The following MIA2 variants were observed in gnomAD, a reference collection of about 807,000 sequenced individuals.
The protein encoded by MIA2 is melanoma inhibitory activity protein 2.
MIA2 carries 127 observed loss-of-function variants against 167.8 expected under a neutral mutation model. That is an observed-to-expected ratio of 0.76 (90% CI 0.66 to 0.88). The LOEUF is 0.88. Ranked by LOEUF, MIA2 falls within the 40% of genes least tolerant of loss-of-function variation. The pLI is 0.00. For missense variants in MIA2, 1,690 were observed against 1,624.7 expected, an observed-to-expected ratio of 1.04 and a Z score of -0.69; for synonymous variants, 552 against 541.9, an observed-to-expected ratio of 1.02 and a Z score of -0.26.
intron 23 of MIA2, chr14:39,385,303 A>G: frequency 2.9e-6 from 2 of 686,572 alleles, no homozygotes; most frequent in Non-Finnish European, 5.2e-6. Flanking sequence ...AAAAAAATCC[A>G]CACAACTTCC....
chr14:39,359,504 T>G (rs1329877336), intron 23 of MIA2, among the ~76,000 whole-genome samples: 1 of 152,182 alleles, frequency 6.6e-6, no homozygotes, highest in Non-Finnish European at 1.5e-5. Context: ...GCTTCCCAGG[T>G]GAGGCGATGC....
intron 19 of MIA2, among the ~76,000 whole-genome samples, chr14:39,314,508 C>G (rs1363474843): frequency 6.7e-6 from 1 of 149,248 alleles, no homozygotes; most frequent in African/African-American, 2.5e-5. Flanking sequence ...TAGGTAAACT[C>G]AAGTAGTAGT....
chr14:39,277,748 GTA>G (rs1167732482), intron 7 of MIA2, among the ~76,000 whole-genome samples: 5 of 1,840 alleles, frequency 2.7e-3, no homozygotes, highest in East Asian at 0.062. Context: ...ATATATGTGT[GTA>G]TATATATATA....
chr14:39,358,232 C>T (rs2074581788), intron 23 of MIA2, among the ~76,000 whole-genome samples: 1 of 152,220 alleles, frequency 6.6e-6, no homozygotes, highest in Admixed American at 6.5e-5. Context: ...TCCCATATTT[C>T]TTGGAGGCTT....
chr14:39,352,169 A>T (rs1009510378), downstream of MIA2, among the ~76,000 whole-genome samples: 32 of 151,020 alleles, frequency 2.1e-4, no homozygotes, highest in African/African-American at 5.8e-4. Flanking sequence ...ATCCAGATTT[A>T]AAAAAAATTC....
chr14:39,385,281 A>G, intron 23 of MIA2: 1 of 643,180 alleles, frequency 1.6e-6, no homozygotes, highest in Non-Finnish European at 2.8e-6. Context: ...TATGCAGTAA[A>G]GTGAAGATAA....
chr14:39,244,239 T>G (rs1456766120), intron 3 of MIA2, among the ~76,000 whole-genome samples: 2 of 152,210 alleles, frequency 1.3e-5, no homozygotes, highest in Non-Finnish European at 2.9e-5. Context: ...GGTTCTGGTT[T>G]CTATGACCTG....
At chr14:39,385,611 C>T (rs2075260060) in intron 23 of MIA2, 1 of 816,378 alleles carries the variant, frequency 1.2e-6, no homozygotes, top group Admixed American at 1.7e-5. Context: ...CTTGCTGGGT[C>T]TCTGGATTGG....
At chr14:39,349,115 A>G in intron 28 of MIA2, 138 bp downstream of exon 28, 3 of 1,156,224 alleles carry the variant, frequency 2.6e-6, no homozygotes, top group Non-Finnish European at 3.6e-6. Context: ...AATTCTCATT[A>G]CTTTTCCGAA....
downstream of MIA2, among the ~76,000 whole-genome samples, chr14:39,356,161 C>T (rs913396372): frequency 4.6e-5 from 7 of 151,906 alleles, no homozygotes; most frequent in Non-Finnish European, 8.8e-5. Flanking sequence ...TGGTAGAATT[C>T]GGCTGTGAAT....
chr14:39,325,982 G>T (rs889809124), intron 24 of MIA2, among the ~76,000 whole-genome samples: 6 of 152,194 alleles, frequency 3.9e-5, no homozygotes, highest in African/African-American at 7.2e-5. Context: ...CCAAAGTGCT[G>T]GGATTACAGG....
chr14:39,287,685 C>G (rs544784773), intron 9 of MIA2, among the ~76,000 whole-genome samples: 1 of 152,050 alleles, frequency 6.6e-6, no homozygotes, highest in Non-Finnish European at 1.5e-5. Context: ...GCGTCAGCCT[C>G]CTGAGTAGCT....
At chr14:39,276,545 A>G (rs1352059150) in intron 6 of MIA2, 1 of 154,398 alleles carries the variant, frequency 6.5e-6, no homozygotes, top group Admixed American at 6.5e-5. Context: ...AAAGCTGCAA[A>G]TTGATTTTTT....
intron 6 of MIA2, chr14:39,267,215 G>T: frequency 7.4e-7 from 1 of 1,346,082 alleles, no homozygotes. Context: ...GTGCGGGTCG[G>T]GCTCGGACCT....
chr14:39,329,232 C>T (rs979897784), intron 25 of MIA2, among the ~76,000 whole-genome samples: 6 of 151,970 alleles, frequency 3.9e-5, no homozygotes, highest in Admixed American at 1.3e-4. Context: ...GTAGTAATTG[C>T]GAATGGGAGT....
chr14:39,248,708 T>C (rs2054418898), intron 4 of MIA2, among the ~76,000 whole-genome samples: 1 of 152,162 alleles, frequency 6.6e-6, no homozygotes, highest in Non-Finnish European at 1.5e-5. Context: ...ACAACTATAT[T>C]TGAACGATTT....
chr14:39,240,468 A>G, intron 2 of MIA2, 93 bp from the exon 3 acceptor site: 3 of 820,050 alleles, frequency 3.7e-6, no homozygotes, highest in East Asian at 2.5e-5. Flanking sequence ...TTCAGAGTAG[A>G]TGAAAGCCAA....
chr14:39,277,302 G>T, intron 7 of MIA2, among the ~76,000 whole-genome samples: 1 of 151,794 alleles, frequency 6.6e-6, no homozygotes, highest in Admixed American at 6.6e-5. Context: ...AAGGCAGAAA[G>T]ATCACTTGAG....
exon 24 of MIA2, chr14:39,387,849 T>C (rs2075292875): frequency 6.6e-6 from 1 of 152,242 alleles, no homozygotes; most frequent in South Asian, 2.1e-4. Context: ...GGAGGTGATA[T>C]CCTCCACCAG....
Sources: allele counts gnomAD v4.1 joint callset (sites outside exome capture counted in the v4.1 genomes callset), GRCh38; gene constraint gnomAD v4.1.1; transcripts MANE v1.5; gene names NCBI Gene and HGNC (gene_info 2026-07-23, HGNC 2026-07-21).